Variants in MAGI2 observed in about 807,000 individuals in gnomAD.
The protein encoded by MAGI2 is membrane associated guanylate kinase, WW and PDZ domain containing 2.
In MAGI2, 35 loss-of-function variants were observed where a neutral mutation model predicts 133.3. The ratio of observed to expected loss-of-function variants is 0.26; its 90% CI spans 0.20 to 0.35. MAGI2 has a LOEUF of 0.35. Ranked by LOEUF, MAGI2 falls within the 10% of genes least tolerant of loss-of-function variation. The pLI is 1.00. For missense variants in MAGI2, 1,636 were observed against 1,863.4 expected (o/e 0.88, Z 2.25); for synonymous variants, 729 against 710.6 (o/e 1.03, Z -0.41).
At chr7:79,347,599 C>T (rs1841415551) in intron 1 of MAGI2, among the ~76,000 whole-genome samples, 2 of 151,802 alleles carry the variant, frequency 1.3e-5, no homozygotes, top group African/African-American at 4.8e-5. Flanking sequence ...TATACTTCTT[C>T]CTTGAGCTCC....
chr7:79,240,346 G>A (rs1344862009), intron 1 of MAGI2, among the ~76,000 whole-genome samples: 1 of 145,380 alleles, frequency 6.9e-6, no homozygotes, highest in African/African-American at 2.6e-5. Flanking sequence ...GAAAGTGGTG[G>A]TTTATCAGAA....
In MAGI2 at chr7:78,720,452, T is replaced by C. The variant is rs1185099600; in HGVS notation, c.419-93213A>G. On this transcript the variant is annotated intron_variant, in intron 2 of 21. Coordinates refer to ENST00000354212, the MANE Select transcript of MAGI2 (RefSeq NM_012301.4). The stretch of plus-strand genomic sequence containing the variant: ...ACAGCTAGTAAGTGAAGCTGACATT[T>C]AAATCTGGACAGTATGGGTCTAAAA... 2.6e-5 allele frequency among the ~76,000 whole-genome samples: 4 copies of C among 152,086 alleles called. No individual in the cohort carries two copies. The East Asian group carries it at 7.7e-4, about 29-fold the overall frequency.
chr7:78,746,935 T>G (rs1004736346), intron 2 of MAGI2, among the ~76,000 whole-genome samples: 2 of 152,222 alleles, frequency 1.3e-5, no homozygotes, highest in African/African-American at 2.4e-5. Context: ...ATAACTATTA[T>G]TGTGTTTTAT....
chr7:79,223,321 AT>A (rs1384251009), intron 1 of MAGI2, among the ~76,000 whole-genome samples: 1 of 151,842 alleles, frequency 6.6e-6, no homozygotes. Flanking sequence ...TGAATGCTTG[AT>A]TTTTTCTTTG....
chr7:79,286,753 A>C (rs1836035014), intron 1 of MAGI2, among the ~76,000 whole-genome samples: 1 of 151,996 alleles, frequency 6.6e-6, no homozygotes. Flanking sequence ...TTGGATGCAG[A>C]TCAGTCCAGA....
intron 1 of MAGI2, among the ~76,000 whole-genome samples, chr7:79,178,158 C>T (rs181114338): frequency 1.8e-4 from 28 of 151,950 alleles, no homozygotes; most frequent in Admixed American, 7.9e-4. Context: ...TCTTTCTTGT[C>T]GCTGTACTTC....
At chr7:79,037,575 A>G (rs1305321623) in intron 1 of MAGI2, among the ~76,000 whole-genome samples, 2 of 152,132 alleles carry the variant, frequency 1.3e-5, no homozygotes, top group African/African-American at 4.8e-5. Flanking sequence ...TAGTTCCACT[A>G]AGAGTAATTG....
intron 6 of MAGI2, among the ~76,000 whole-genome samples, chr7:78,456,710 T>A (rs1032405338): frequency 2.0e-5 from 3 of 152,022 alleles, no homozygotes; most frequent in Non-Finnish European, 4.4e-5. Context: ...CCTACGGACG[T>A]AGGGATGGGA....
Position 78,891,406 on chromosome 7 carries a change from C to G in MAGI2, c.418+115684G>C, listed in dbSNP as rs1414813997. Reference sequence around the variant, plus strand: ...GGCCAGCATCATCCTGATACCAAAGCCTGGCAGAGACACAACAGAAAAAGA... The same window carrying G: ...GGCCAGCATCATCCTGATACCAAAGGCTGGCAGAGACACAACAGAAAAAGA... On this transcript the variant is annotated intron_variant, in intron 2 of 21. Transcript: ENST00000354212. Among the ~76,000 whole-genome samples the G allele has an allele frequency of 2.0e-5, 3 of 152,120 alleles. No individual in the cohort carries two copies. The East Asian group carries it at 5.8e-4, about 29-fold the overall frequency.
intron 1 of MAGI2, among the ~76,000 whole-genome samples, chr7:79,450,186 T>C (rs926956674): frequency 1.2e-4 from 18 of 152,180 alleles, no homozygotes; most frequent in African/African-American, 4.1e-4. Flanking sequence ...AAAACGCAAC[T>C]GCTAAACAAA....
chr7:79,308,380 T>TG (rs56038725), intron 1 of MAGI2, among the ~76,000 whole-genome samples: 128,051 of 152,072 alleles, frequency 0.84, 54,000 homozygotes, highest in Middle Eastern at 0.86. Context: ...TCTCTTGGAG[T>TG]TTTCCCAGGA....
intron 2 of MAGI2, among the ~76,000 whole-genome samples, chr7:78,674,489 T>A (rs757177158): frequency 1.3e-5 from 2 of 150,978 alleles, no homozygotes; most frequent in Admixed American, 6.6e-5. Context: ...AAAAAAAAAA[T>A]GGTAAATGTA....
At chr7:78,423,914 G>A (rs1264399859) in intron 6 of MAGI2, among the ~76,000 whole-genome samples, 2 of 152,270 alleles carry the variant, frequency 1.3e-5, no homozygotes, top group East Asian at 3.9e-4. Context: ...AGAGCATAAA[G>A]GTTCAGAAAA....
At chr7:78,405,308 C>A (rs1797273981) in intron 6 of MAGI2, among the ~76,000 whole-genome samples, 1 of 152,058 alleles carries the variant, frequency 6.6e-6, no homozygotes. Flanking sequence ...TTCTAACAGT[C>A]ATTTCAGTGT....
At chr7:78,383,724 T>C (rs2151297621) in intron 6 of MAGI2, among the ~76,000 whole-genome samples, 1 of 152,262 alleles carries the variant, frequency 6.6e-6, no homozygotes, top group Admixed American at 6.5e-5. Context: ...AATATCTTTA[T>C]GGTTTTGGGT....
At chr7:79,050,843 A>C (rs1812611216) in intron 1 of MAGI2, among the ~76,000 whole-genome samples, 1 of 152,230 alleles carries the variant, frequency 6.6e-6, no homozygotes, top group African/African-American at 2.4e-5. Context: ...TTTCGCATTG[A>C]GAAAGAAACA....
At chr7:78,043,322 G>C (rs1811049882) in intron 21 of MAGI2, among the ~76,000 whole-genome samples, 1 of 152,072 alleles carries the variant, frequency 6.6e-6, no homozygotes, top group Admixed American at 6.6e-5. Flanking sequence ...GAGCTGAATG[G>C]TCCCATTGTT....
chr7:78,050,879 C>T (rs981100903), intron 21 of MAGI2, among the ~76,000 whole-genome samples: 1 of 152,194 alleles, frequency 6.6e-6, no homozygotes, highest in African/African-American at 2.4e-5. Context: ...CTGGCTCCCT[C>T]TACTATCACT....
At chr7:79,048,910 C>T (rs1812420125) in intron 1 of MAGI2, among the ~76,000 whole-genome samples, 1 of 152,128 alleles carries the variant, frequency 6.6e-6, no homozygotes, top group Admixed American at 6.6e-5. Flanking sequence ...ATCACTTGAA[C>T]CTGGGAGGCA....
Sources: gnomAD v4.1 joint callset for allele counts (sites outside exome capture counted in the v4.1 genomes callset) on GRCh38, gnomAD v4.1.1 for gene constraint, MANE v1.5 for transcripts, NCBI Gene and HGNC (gene_info 2026-07-23, HGNC 2026-07-21) for gene names.